ROBO1: variants seen among roughly 807,000 people sequenced by gnomAD.
ROBO1 encodes roundabout guidance receptor 1, also known as roundabout homolog 1.
A neutral mutation model predicts 195.9 loss-of-function variants in ROBO1; 149 were observed. The observed-to-expected ratio is 0.76, with a 90% CI of 0.67 to 0.87. ROBO1 has a LOEUF of 0.87. Ranked by LOEUF, ROBO1 falls within the 40% of genes least tolerant of loss-of-function variation. The pLI, the probability that ROBO1 is intolerant of heterozygous loss-of-function variation, is 0.00. For missense variants in ROBO1, 1,933 were observed against 2,068.3 expected, an observed-to-expected ratio of 0.93 and a Z score of 1.27; for synonymous variants, 816 against 733.2, an observed-to-expected ratio of 1.11 and a Z score of -1.82.
intron 2 of ROBO1, among the ~76,000 whole-genome samples, chr3:79,538,220 A>G (rs1374052128): frequency 6.6e-6 from 1 of 152,160 alleles, no homozygotes. Context: ...TTGTGTCTGA[A>G]GAGTTAATAC....
At chr3:79,184,233 G>T (rs539676530) in intron 2 of ROBO1, among the ~76,000 whole-genome samples, 15 of 152,158 alleles carry the variant, frequency 9.9e-5, no homozygotes, top group African/African-American at 3.6e-4. Flanking sequence ...ATATTCTACT[G>T]ATCGTTAATG....
intron 2 of ROBO1, among the ~76,000 whole-genome samples, chr3:79,175,388 C>T (rs906461423): frequency 2.6e-5 from 4 of 152,180 alleles, no homozygotes; most frequent in African/African-American, 9.7e-5. Flanking sequence ...TCAAGCAATC[C>T]TCCTGCCTTG....
At chr3:79,633,353 C>CTAT (rs1945401471) in intron 1 of ROBO1, among the ~76,000 whole-genome samples, 1 of 119,900 alleles carries the variant, frequency 8.3e-6, no homozygotes, top group African/African-American at 3.2e-5. Flanking sequence ...TTTTGCATTT[C>CTAT]TTTTTTTTTT....
At chr3:79,651,521 G>T (rs1255690937) in intron 1 of ROBO1, among the ~76,000 whole-genome samples, 1 of 152,050 alleles carries the variant, frequency 6.6e-6, no homozygotes, top group Non-Finnish European at 1.5e-5. Flanking sequence ...ACAAAACTGT[G>T]CCAACTTGAA....
In ROBO1 at chr3:79,293,512, C is replaced by A. The variant is rs192872897; in HGVS notation, c.89-167973G>T. Among the ~76,000 whole-genome samples the A allele has an allele frequency of 4.7e-3, 710 of 152,102 alleles. 5 individuals carry two copies. Among genetic ancestry groups the A allele is most frequent in the African/African-American group, 0.016 (682 of 41,478 alleles). ...ATCTTTCCCATTTTCTCCTGTGGTC[C>A]TTTAGTGCTATAATTTTCCCTCTAA... On this transcript the variant is annotated intron_variant, in intron 2 of 30. Transcript: ENST00000464233.
intron 3 of ROBO1, among the ~76,000 whole-genome samples, chr3:79,003,622 G>T (rs1576547339): frequency 6.6e-6 from 1 of 152,122 alleles, no homozygotes; most frequent in African/African-American, 2.4e-5. Context: ...AGCACACAAA[G>T]AAATTGTACG....
At chr3:78,870,010 C>T (rs186067732) in intron 4 of ROBO1, among the ~76,000 whole-genome samples, 1 of 152,264 alleles carries the variant, frequency 6.6e-6, no homozygotes. Context: ...AACCACCACA[C>T]CTGGCCTTTC....
chr3:79,054,606 G>A (rs1418864893), intron 3 of ROBO1, among the ~76,000 whole-genome samples: 5 of 152,046 alleles, frequency 3.3e-5, no homozygotes, highest in African/African-American at 7.2e-5. Flanking sequence ...TTTTCTTGGA[G>A]CCTGCTATAA....
At chr3:79,319,673 A>C (rs2033890913) in intron 2 of ROBO1, among the ~76,000 whole-genome samples, 1 of 152,180 alleles carries the variant, frequency 6.6e-6, no homozygotes, top group African/African-American at 2.4e-5. Context: ...ATATGAAAAT[A>C]TTAAAAATGA....
At chr3:79,305,487 CAAAAAAAAA>C (rs755731665) in intron 2 of ROBO1, among the ~76,000 whole-genome samples, 1 of 55,704 alleles carries the variant, frequency 1.8e-5, no homozygotes, top group East Asian at 6.6e-4. Flanking sequence ...AACTCCATCT[CAAAAAAAAA>C]AAAAAAAAAA....
At chr3:79,423,522 T>A (rs1392797237) in intron 2 of ROBO1, among the ~76,000 whole-genome samples, 1 of 152,066 alleles carries the variant, frequency 6.6e-6, no homozygotes, top group East Asian at 1.9e-4. Flanking sequence ...AATAAATAGG[T>A]CCATATTTAT....
intron 2 of ROBO1, among the ~76,000 whole-genome samples, chr3:79,574,440 T>A (rs1321286022): frequency 1.3e-5 from 2 of 151,976 alleles, no homozygotes; most frequent in African/African-American, 2.4e-5. Flanking sequence ...ATAAATACTA[T>A]AAAATTTTAT....
At chr3:79,548,354 T>G (rs1309375192) in intron 2 of ROBO1, among the ~76,000 whole-genome samples, 1 of 152,196 alleles carries the variant, frequency 6.6e-6, no homozygotes, top group African/African-American at 2.4e-5. Context: ...ATCCCACTCT[T>G]CAATCATTTC....
At chr3:78,918,030 G>C (rs780827533) in intron 4 of ROBO1, among the ~76,000 whole-genome samples, 7 of 152,168 alleles carry the variant, frequency 4.6e-5, no homozygotes, top group Non-Finnish European at 1.0e-4. Context: ...ACATGGAAAT[G>C]CCATGCAAAG....
At chr3:78,695,625 C>CAAA (rs1172592248) in intron 8 of ROBO1, among the ~76,000 whole-genome samples, 1 of 54,510 alleles carries the variant, frequency 1.8e-5, no homozygotes, top group African/African-American at 7.2e-5. Context: ...ACTCTTGTCT[C>CAAA]AAAAAAAAAA....
intron 2 of ROBO1, among the ~76,000 whole-genome samples, chr3:79,577,405 G>C (rs1300430637): frequency 6.6e-6 from 1 of 151,910 alleles, no homozygotes; most frequent in Non-Finnish European, 1.5e-5. Flanking sequence ...AAGAGTTTTT[G>C]GTATAACACC....
chr3:79,064,619 C>T (rs1241496722), intron 3 of ROBO1, among the ~76,000 whole-genome samples: 2 of 151,910 alleles, frequency 1.3e-5, no homozygotes, highest in African/African-American at 4.8e-5. Flanking sequence ...GCCTCAGCCT[C>T]CCAAAGTGTT....
chr3:79,452,813 C>T (rs2039489606), intron 2 of ROBO1, among the ~76,000 whole-genome samples: 1 of 151,620 alleles, frequency 6.6e-6, no homozygotes, highest in Admixed American at 6.6e-5. Context: ...GACATATATC[C>T]AGCATATGTT....
chr3:79,223,235 A>T (rs567541919), intron 2 of ROBO1, among the ~76,000 whole-genome samples: 2 of 152,288 alleles, frequency 1.3e-5, no homozygotes, highest in South Asian at 4.1e-4. Context: ...ATACTAGAGG[A>T]TCAGAGAATG....
Sources: allele counts gnomAD v4.1 joint callset (sites outside exome capture counted in the v4.1 genomes callset), GRCh38; gene constraint gnomAD v4.1.1; transcripts MANE v1.5; gene names NCBI Gene and HGNC (gene_info 2026-07-23, HGNC 2026-07-21).